The following KTI12 variants were observed in gnomAD, a reference collection of about 807,000 sequenced individuals.
KTI12 encodes KTI12 chromatin associated homolog.
A neutral mutation model predicts 8.8 loss-of-function variants in KTI12; 8 were observed. The observed-to-expected ratio is 0.91, with a 90% CI of 0.53 to 1.64. The LOEUF (loss-of-function observed/expected upper bound fraction) is 1.64, where lower values mean the gene tolerates loss of function less well. KTI12 is among the 40% of genes most tolerant of loss of function. KTI12 has a pLI of 0.00. For missense variants in KTI12, 490 were observed against 492.1 expected, an observed-to-expected ratio of 1.00 and a Z score of 0.04; for synonymous variants, 216 against 220.1, an observed-to-expected ratio of 0.98 and a Z score of 0.17.
Position 52,032,657 on chromosome 1 carries a change from T to C in KTI12, c.*40A>G, listed in dbSNP as rs187383625. ...TTTTTCCCAGAGAAATAAAGTGGAGTGGAGATCAGAAGCCATGGCTTCCCC... is the reference window on the plus strand; with the variant it reads ...TTTTTCCCAGAGAAATAAAGTGGAGCGGAGATCAGAAGCCATGGCTTCCCC... On this transcript the variant is annotated 3_prime_UTR_variant, in exon 1 of 1. Coordinates refer to ENST00000371614, the MANE Select transcript of KTI12 (RefSeq NM_138417.3). 1,222 of 1,546,356 alleles carry C rather than the reference T, an allele frequency of 7.9e-4. 4 individuals are homozygous for C. The African/African-American group carries it at 0.015, about 19-fold the overall frequency.
In KTI12 at chr1:52,033,139, A is replaced by T; in HGVS notation, c.623T>A (p.Leu208His). Reference sequence around the variant, plus strand: ...AAAGCGCAGCGTTAGGGCCTCCAGGAGTTCGGGAGAGTAAAAGGCACCGGA... The same window carrying T: ...AAAGCGCAGCGTTAGGGCCTCCAGGTGTTCGGGAGAGTAAAAGGCACCGGA... ...HGSGAFYSPE[L>H]LEALTLRFEA... The change falls in exon 1 of 1, where the codon CTC becomes CAC. Residue 208 changes from leucine to histidine, a missense_variant. Transcript: ENST00000371614. The T allele has an allele frequency of 2.5e-6, 4 of 1,614,094 alleles. No individual in the cohort carries two copies. Among genetic ancestry groups the T allele is most frequent in the Admixed American group, 3.3e-5 (2 of 60,002 alleles).
Position 52,033,252 on chromosome 1 carries a change from T to C in KTI12, c.510A>G (p.Val170=). ...ATTCTTCTCGCTCCAGTTCCTTGGG[T>C]ACGTCGGCCTGGGCACTTCCATTTA... is the stretch of plus-strand genomic sequence containing the variant. The part of the protein sequence containing the change: ...SVVNGSAQAD[V]PKELEREESG... Residue 170 remains valine, a synonymous_variant, in exon 1 of 1, where the codon GTA becomes GTG. Coordinates refer to ENST00000371614, the MANE Select transcript of KTI12 (RefSeq NM_138417.3). The C allele has an allele frequency of 6.2e-7, 1 of 1,613,990 alleles. No individual in the cohort carries two copies. Among genetic ancestry groups the C allele is most frequent in the South Asian group, 1.1e-5 (1 of 91,068 alleles).
chr1:52,033,789 G>C lies in KTI12; in HGVS notation c.-28C>G, dbSNP rs1285831835. On this transcript the variant is annotated 5_prime_UTR_variant, in exon 1 of 1. Coordinates refer to ENST00000371614, the MANE Select transcript of KTI12 (RefSeq NM_138417.3). ...TCTCAGGGAGCGACCATTGGCAACC[G>C]CGCTGCGCCAACTTCCGGGTTGTAC... 1 of 1,540,396 alleles carries C rather than the reference G, an allele frequency of 6.5e-7. No homozygotes were observed. The highest frequency in any genetic ancestry group is 8.8e-7 in the Non-Finnish European group (1 of 1,142,438).
chr1:52,032,742 T>G lies in KTI12; in HGVS notation c.1020A>C (p.Gln340His). The G allele has an allele frequency of 1.2e-6, 2 of 1,613,790 alleles. No homozygotes were observed. The highest frequency in any genetic ancestry group is 2.2e-5 in the South Asian group (2 of 91,036). Reference sequence around the variant, plus strand: ...AATACTGAAGAAACATGTTGGCCAGTTGCGGCAAGTTCTCATTGTTGGGAT... The same window carrying G: ...AATACTGAAGAAACATGTTGGCCAGGTGCGGCAAGTTCTCATTGTTGGGAT... ...KMHPNNENLP[Q>H]LANMFLQYLS... Residue 340 changes from glutamine to histidine, a missense_variant, in exon 1 of 1, where the codon CAA (glutamine) becomes CAC (histidine). Coordinates refer to ENST00000371614, the MANE Select transcript of KTI12 (RefSeq NM_138417.3).
Position 52,033,653 on chromosome 1 carries a change from C to A in KTI12, c.109G>T (p.Asp37Tyr), listed in dbSNP as rs1173885050. ...AEGRAVYVVDDAAVLGAEDPA... is the reference protein window; with the variant it reads ...AEGRAVYVVDYAAVLGAEDPA... ...TCCTCTGCGCCCAGGACAGCTGCGT[C>A]GTCCACCACGTACACCGCGCGGCCC... Residue 37 changes from aspartate to tyrosine, a missense_variant, in exon 1 of 1, where the codon GAC becomes TAC. By Grantham distance (160) the Asp-to-Tyr change is radical. Coordinates refer to ENST00000371614, the MANE Select transcript of KTI12 (RefSeq NM_138417.3). 27 of 1,611,324 alleles carry A rather than the reference C, an allele frequency of 1.7e-5. No homozygotes were observed. Among genetic ancestry groups the A allele is most frequent in the Non-Finnish European group, 2.2e-5 (26 of 1,179,878 alleles).
Position 52,033,716 on chromosome 1 carries a change from G to A in KTI12, c.46C>T (p.Arg16Trp), listed in dbSNP as rs1346457593. ...GCCACGCGCAACTCTTCAGCACGCC[G>A]GCTCTTGCCGCTGTACGGCAGCCCG... Reference protein sequence around the residue: ...FCGLPYSGKSRRAEELRVALA... With the variant: ...FCGLPYSGKSWRAEELRVALA... The change falls in exon 1 of 1, where the codon CGG (arginine) becomes TGG (tryptophan). Residue 16 changes from arginine (R) to tryptophan (W), a missense_variant. By Grantham distance (101) the Arg-to-Trp change is moderately radical. Transcript: ENST00000371614. The A allele has an allele frequency of 3.1e-6, 5 of 1,610,338 alleles. No homozygotes were observed. The highest frequency in any genetic ancestry group is 1.1e-5 in the South Asian group (1 of 90,934).
chr1:52,033,067 A>C lies in KTI12; in HGVS notation c.695T>G (p.Leu232Trp), dbSNP rs556254591. 1 of 1,601,000 alleles carries C rather than the reference A, an allele frequency of 6.2e-7. No individual in the cohort carries two copies. Among genetic ancestry groups the C allele is most frequent in the African/African-American group, 1.3e-5 (1 of 74,346 alleles). ...RNRWDRPLFT[L>W]VGLEEPLPLA... ...GGGCAACGGCTCCTCTAGGCCCACC[A>C]AAGTGAATAAAGGCCGGTCCCAGCG... is the stretch of plus-strand genomic sequence containing the variant. Residue 232 changes from leucine to tryptophan, a missense_variant, in exon 1 of 1, where the codon TTG (leucine) becomes TGG (tryptophan). By Grantham distance (61) the Leu-to-Trp change is moderately conservative. Coordinates refer to ENST00000371614, the MANE Select transcript of KTI12 (RefSeq NM_138417.3).
Position 52,032,350 on chromosome 1 carries a change from A to G in KTI12, c.*347T>C. The stretch of plus-strand genomic sequence containing the variant: ...TCACAATTGTTTTAAAACAATTCTC[A>G]TCTATCCAGTCTGCTCTCCCACGCC... On this transcript the variant is annotated 3_prime_UTR_variant, in exon 1 of 1. Coordinates refer to ENST00000371614, the MANE Select transcript of KTI12 (RefSeq NM_138417.3). The G allele has an allele frequency of 1.9e-6, 2 of 1,054,716 alleles. No homozygotes were observed. The highest frequency in any genetic ancestry group is 2.3e-6 in the Non-Finnish European group (2 of 874,414). The allele number at this position is 1,054,716 out of a possible 1,614,324, so 65.3% of individuals were successfully genotyped here.
chr1:52,033,752 C>T lies in KTI12; in HGVS notation c.10G>A (p.Val4Met), dbSNP rs990225552. The change falls in exon 1 of 1, where the codon GTG becomes ATG. Residue 4 changes from valine to methionine, a missense_variant. Val to Met is a conservative substitution (Grantham distance 21). Coordinates refer to ENST00000371614, the MANE Select transcript of KTI12 (RefSeq NM_138417.3). The stretch of plus-strand genomic sequence containing the variant: ...CTGTACGGCAGCCCGCAAAACACCA[C>T]GAGCGGCATCCTCTCAGGGAGCGAC... The part of the protein sequence containing the change: MPL[V>M]VFCGLPYSGK... 2 of 1,597,610 alleles carry T rather than the reference C, an allele frequency of 1.3e-6. No individual in the cohort carries two copies. Among genetic ancestry groups the T allele is most frequent in the Non-Finnish European group, 1.7e-6 (2 of 1,171,184 alleles).
Position 52,032,480 on chromosome 1 carries a change from G to C in KTI12, c.*217C>G. On this transcript the variant is annotated 3_prime_UTR_variant, in exon 1 of 1. Transcript: ENST00000371614. The stretch of plus-strand genomic sequence containing the variant: ...CTCTGTCCTCTGAGGGATTTGCCAG[G>C]TTGCACCACAATAGTTCTCCATTCT... 1 of 1,321,188 alleles carries C rather than the reference G, an allele frequency of 7.6e-7. No homozygotes were observed. Among genetic ancestry groups the C allele is most frequent in the Non-Finnish European group, 9.6e-7 (1 of 1,039,940 alleles). The allele number at this position is 1,321,188 out of a possible 1,614,324, so 81.8% of individuals were successfully genotyped here.
In KTI12 at chr1:52,033,351, G is replaced by C. The variant is rs1251064795; in HGVS notation, c.411C>G (p.Arg137=). 3 of 1,613,724 alleles carry C rather than the reference G, an allele frequency of 1.9e-6. No individual in the cohort carries two copies. Among genetic ancestry groups the C allele is most frequent in the Middle Eastern group, 1.6e-4 (1 of 6,062 alleles). The change falls in exon 1 of 1, where the codon CGC becomes CGG. Residue 137 remains arginine (R), a synonymous_variant. Coordinates refer to ENST00000371614, the MANE Select transcript of KTI12 (RefSeq NM_138417.3). ...GRNVSVSWRP[R]AEEDGRAQAA... ...CCTGGGCTCTCCCGTCCTCCTCAGC[G>C]CGTGGCCGCCAACTCACACTGACGT...
Position 52,033,645 on chromosome 1 carries a change from A to C in KTI12, c.117T>G (p.Ala39=), listed in dbSNP as rs776018129. 6.2e-7 allele frequency: 1 copy of C among 1,611,598 alleles called. No individual in the cohort carries two copies. Among genetic ancestry groups the C allele is most frequent in the Admixed American group, 1.7e-5 (1 of 60,000 alleles). ...CCGCTGGGTCCTCTGCGCCCAGGAC[A>C]GCTGCGTCGTCCACCACGTACACCG... is the stretch of plus-strand genomic sequence containing the variant. The part of the protein sequence containing the change: ...GRAVYVVDDA[A]VLGAEDPAVY... Residue 39 remains alanine, a synonymous_variant, in exon 1 of 1, where the codon GCT becomes GCG. Coordinates refer to ENST00000371614, the MANE Select transcript of KTI12 (RefSeq NM_138417.3).
At position 52,032,651 on chromosome 1, in the gene KTI12, G is replaced by A. The variant is rs761966446; in HGVS notation, c.*46C>T. ...AGCCTATTTTTCCCAGAGAAATAAAGTGGAGTGGAGATCAGAAGCCATGGC... is the reference window on the plus strand; with the variant it reads ...AGCCTATTTTTCCCAGAGAAATAAAATGGAGTGGAGATCAGAAGCCATGGC... On this transcript the variant is annotated 3_prime_UTR_variant, in exon 1 of 1. Transcript: ENST00000371614. The A allele has an allele frequency of 6.5e-7, 1 of 1,543,500 alleles. No individual in the cohort carries two copies. Among genetic ancestry groups the A allele is most frequent in the Non-Finnish European group, 8.7e-7 (1 of 1,148,008 alleles).
Position 52,033,717 on chromosome 1 carries a change from G to T in KTI12, c.45C>A (p.Ser15Arg). Residue 15 changes from serine to arginine, a missense_variant, in exon 1 of 1, where the codon AGC (serine) becomes AGA (arginine). Coordinates refer to ENST00000371614, the MANE Select transcript of KTI12 (RefSeq NM_138417.3). ...VFCGLPYSGK[S>R]RRAEELRVAL... is the part of the protein sequence containing the mutation. ...CCACGCGCAACTCTTCAGCACGCCG[G>T]CTCTTGCCGCTGTACGGCAGCCCGC... The T allele has an allele frequency of 6.2e-7, 1 of 1,610,184 alleles. No homozygotes were observed. Among genetic ancestry groups the T allele is most frequent in the South Asian group, 1.1e-5 (1 of 90,896 alleles).
chr1:52,033,740 C>G lies in KTI12; in HGVS notation c.22G>C (p.Gly8Arg). 1 of 1,603,550 alleles carries G rather than the reference C, an allele frequency of 6.2e-7. No individual in the cohort carries two copies. The highest frequency in any genetic ancestry group is 8.5e-7 in the Non-Finnish European group (1 of 1,174,400). Residue 8 changes from glycine (G) to arginine (R), a missense_variant, in exon 1 of 1, where the codon GGG becomes CGG. By Grantham distance (125) the Gly-to-Arg change is moderately radical. Coordinates refer to ENST00000371614, the MANE Select transcript of KTI12 (RefSeq NM_138417.3). ...CGGCTCTTGCCGCTGTACGGCAGCCCGCAAAACACCACGAGCGGCATCCTC... is the reference window on the plus strand; with the variant it reads ...CGGCTCTTGCCGCTGTACGGCAGCCGGCAAAACACCACGAGCGGCATCCTC... The part of the protein sequence containing the change: MPLVVFC[G>R]LPYSGKSRRA...
Position 52,033,780 on chromosome 1 carries a change from T to A in KTI12, c.-19A>T, listed in dbSNP as rs1685829588. The A allele has an allele frequency of 6.4e-7, 1 of 1,553,970 alleles. No homozygotes were observed. The highest frequency in any genetic ancestry group is 1.4e-5 in the African/African-American group (1 of 73,702). ...GCGGCATCCTCTCAGGGAGCGACCA[T>A]TGGCAACCGCGCTGCGCCAACTTCC... is the stretch of plus-strand genomic sequence containing the variant. On this transcript the variant is annotated 5_prime_UTR_variant, in exon 1 of 1. The change abolishes an upstream ATG in the 5' untranslated region. Coordinates refer to ENST00000371614, the MANE Select transcript of KTI12 (RefSeq NM_138417.3).
In KTI12 at chr1:52,033,590, A is replaced by G. The variant is rs772229129; in HGVS notation, c.172T>C (p.Leu58=). 1.4e-5 allele frequency: 23 copies of G among 1,613,406 alleles called. No homozygotes were observed. The highest frequency in any genetic ancestry group is 6.7e-5 in the East Asian group (3 of 44,878). ...VYGDSAREKA[L]RGALRASVER... ...ACGGAGGCTCGCAGAGCTCCACGCA[A>G]TGCCTTCTCACGGGCAGAATCGCCG... is the stretch of plus-strand genomic sequence containing the variant. The change falls in exon 1 of 1, where the codon TTG becomes CTG. Residue 58 remains leucine, a synonymous_variant. Transcript: ENST00000371614.
chr1:52,032,356 C>A lies in KTI12; in HGVS notation c.*341G>T. The A allele has an allele frequency of 9.3e-7, 1 of 1,071,208 alleles. No individual in the cohort carries two copies. The highest frequency in any genetic ancestry group is 1.1e-6 in the Non-Finnish European group (1 of 885,006). The allele number at this position is 1,071,208 out of a possible 1,614,324, so 66.4% of individuals were successfully genotyped here. On this transcript the variant is annotated 3_prime_UTR_variant, in exon 1 of 1. Transcript: ENST00000371614. ...TTGTTTTAAAACAATTCTCATCTAT[C>A]CAGTCTGCTCTCCCACGCCTCAGAT...
chr1:52,032,749 A>T lies in KTI12; in HGVS notation c.1013T>A (p.Leu338Ter). The T allele has an allele frequency of 6.2e-7, 1 of 1,613,972 alleles. No homozygotes were observed. Among genetic ancestry groups the T allele is most frequent in the Non-Finnish European group, 8.5e-7 (1 of 1,179,918 alleles). Residue 338 changes from leucine to a stop codon, truncating the protein, a stop_gained, in exon 1 of 1, where the codon TTG becomes TAG. Coordinates refer to ENST00000371614, the MANE Select transcript of KTI12 (RefSeq NM_138417.3). LOFTEE classifies it high-confidence loss of function. ...YTKMHPNNEN[L>*]PQLANMFLQY... ...AAGAAACATGTTGGCCAGTTGCGGC[A>T]AGTTCTCATTGTTGGGATGCATTTT...
Sources: gnomAD v4.1 joint callset for allele counts on GRCh38, gnomAD v4.1.1 for gene constraint, MANE v1.5 for transcripts, NCBI Gene and HGNC (gene_info 2026-07-23, HGNC 2026-07-21) for gene names.